ATP2C1: variants seen among roughly 807,000 people sequenced by gnomAD.
ATP2C1 encodes the protein ATPase secretory pathway Ca2+ transporting 1.
Under a neutral mutation model 120.5 loss-of-function variants are expected in ATP2C1, and 31 were observed. That is an observed-to-expected ratio of 0.26 (90% CI 0.19 to 0.35). ATP2C1 has a LOEUF of 0.35. ATP2C1 is among the 10% of genes least tolerant of loss of function. The probability of loss-of-function intolerance (pLI) is 1.00; values close to 1 mark genes in which losing one functional copy is unlikely to be tolerated. For missense variants in ATP2C1, 731 were observed against 1,107.5 expected, an observed-to-expected ratio of 0.66 and a Z score of 4.83; for synonymous variants, 351 against 358.7, an observed-to-expected ratio of 0.98 and a Z score of 0.24.
chr3:130,904,061 C>A (rs1344886348), intron 2 of ATP2C1, among the ~76,000 whole-genome samples: 1 of 151,910 alleles, frequency 6.6e-6, no homozygotes, highest in East Asian at 1.9e-4. Context: ...ATTTACTTTA[C>A]TTTGAGAGGT....
At position 130,960,634 on chromosome 3, in the gene ATP2C1, C is replaced by G. The variant is rs116875676; in HGVS notation, c.899+1293C>G. Among the ~76,000 whole-genome samples, 82 of 152,190 alleles carry G rather than the reference C, an allele frequency of 5.4e-4. 1 individual carries two copies. In the East Asian group the frequency reaches 0.014, roughly 26 times the overall value. On this transcript the variant is annotated intron_variant, in intron 12 of 27. Transcript: ENST00000510168. ...CTAGGTGAACAGAACTAGAGTTAAT[C>G]AAATCCAGAAGGGGAAGATTATTTT... is the stretch of plus-strand genomic sequence containing the variant.
chr3:130,915,339 C>G (rs1204336748), intron 2 of ATP2C1, among the ~76,000 whole-genome samples: 1 of 152,080 alleles, frequency 6.6e-6, no homozygotes, highest in Non-Finnish European at 1.5e-5. Flanking sequence ...AGTGATCCAC[C>G]CGCCTCAGAC....
At chr3:131,005,992 A>G (rs982822483), downstream of ATP2C1, among the ~76,000 whole-genome samples, 1 of 152,178 alleles carries the variant, frequency 6.6e-6, no homozygotes, top group Non-Finnish European at 1.5e-5. Flanking sequence ...GTGGCATACC[A>G]CATAGCTTAA....
At chr3:130,983,860 A>C (rs548823054) in intron 20 of ATP2C1, among the ~76,000 whole-genome samples, 1 of 152,332 alleles carries the variant, frequency 6.6e-6, no homozygotes, top group African/African-American at 2.4e-5. Flanking sequence ...TCTTGTGAGC[A>C]CTAAATAATA....
chr3:130,910,912 T>G (rs2058375418), intron 2 of ATP2C1, among the ~76,000 whole-genome samples: 1 of 89,444 alleles, frequency 1.1e-5, no homozygotes, highest in Non-Finnish European at 2.2e-5. Context: ...AAATTCTCTT[T>G]TTTGGTTGTG....
chr3:130,878,674 A>G (rs1159930248), intron 1 of ATP2C1, among the ~76,000 whole-genome samples: 2 of 152,020 alleles, frequency 1.3e-5, no homozygotes, highest in Non-Finnish European at 1.5e-5. Context: ...TTGCCTGACA[A>G]TTTCTTTCTT....
upstream of ATP2C1, among the ~76,000 whole-genome samples, chr3:130,891,743 T>C (rs2069175532): frequency 1.3e-5 from 2 of 152,206 alleles, no homozygotes; most frequent in Non-Finnish European, 2.9e-5. Flanking sequence ...CAAAAATCTT[T>C]TGAAAGAAGG....
downstream of ATP2C1, among the ~76,000 whole-genome samples, chr3:131,004,539 A>T (rs1397354806): frequency 6.6e-6 from 1 of 152,262 alleles, no homozygotes; most frequent in Non-Finnish European, 1.5e-5. Flanking sequence ...AAGTAGTATC[A>T]TGCCTTCAGG....
intron 2 of ATP2C1, among the ~76,000 whole-genome samples, chr3:130,904,473 G>T (rs1047404952): frequency 2.0e-5 from 3 of 152,018 alleles, no homozygotes; most frequent in Admixed American, 6.6e-5. Context: ...CTTATGATGG[G>T]TGAAGTTAAT....
At chr3:130,984,268 G>GATT (rs532981343) in intron 20 of ATP2C1, among the ~76,000 whole-genome samples, 1 of 151,860 alleles carries the variant, frequency 6.6e-6, no homozygotes, top group African/African-American at 2.4e-5. Flanking sequence ...ACCCAACTCT[G>GATT]ATTATTATTA....
chr3:130,933,307 G>GC (rs1324748539), intron 4 of ATP2C1, among the ~76,000 whole-genome samples: 1 of 152,190 alleles, frequency 6.6e-6, no homozygotes, highest in Admixed American at 6.5e-5. Flanking sequence ...CAAGTGGTGT[G>GC]CTTAGTAATG....
chr3:130,892,316 T>C (rs2069200614), upstream of ATP2C1, among the ~76,000 whole-genome samples: 1 of 152,246 alleles, frequency 6.6e-6, no homozygotes, highest in Admixed American at 6.5e-5. Flanking sequence ...AATATAATGC[T>C]GTTTCAAGGT....
intron 19 of ATP2C1, among the ~76,000 whole-genome samples, chr3:130,980,244 A>T (rs897253437): frequency 5.9e-5 from 9 of 151,694 alleles, no homozygotes; most frequent in African/African-American, 1.9e-4. Flanking sequence ...AAATAGTCAA[A>T]ATTCTTTTTT....
chr3:130,868,379 G>A, intron 1 of ATP2C1: 1 of 138,958 alleles, frequency 7.2e-6, no homozygotes, highest in African/African-American at 2.6e-5. Context: ...GAGGTGGGGG[G>A]GTCAGCCCCC....
At chr3:130,922,108 A>G (rs1198176745) in intron 2 of ATP2C1, among the ~76,000 whole-genome samples, 1 of 151,818 alleles carries the variant, frequency 6.6e-6, no homozygotes, top group Non-Finnish European at 1.5e-5. Flanking sequence ...TTTTGTTGGC[A>G]ATTTTTTCAT....
chr3:130,915,534 C>T (rs2108182184), intron 2 of ATP2C1, among the ~76,000 whole-genome samples: 1 of 152,212 alleles, frequency 6.6e-6, no homozygotes, highest in East Asian at 1.9e-4. Context: ...CAGCTATATG[C>T]CAGGCATAGT....
chr3:130,994,439 T>G (rs767980702), intron 22 of ATP2C1, among the ~76,000 whole-genome samples: 1 of 152,200 alleles, frequency 6.6e-6, no homozygotes, highest in Non-Finnish European at 1.5e-5. Context: ...TTTTTTGGCT[T>G]TATAATAAAT....
intron 17 of ATP2C1, among the ~76,000 whole-genome samples, chr3:130,971,666 G>A (rs2061322905): frequency 1.3e-5 from 2 of 152,112 alleles, no homozygotes; most frequent in Admixed American, 6.5e-5. Flanking sequence ...CAGGGAGTAA[G>A]GCATAAGGCT....
At chr3:130,991,590 T>C (rs1220695569) in intron 20 of ATP2C1, among the ~76,000 whole-genome samples, 2 of 151,994 alleles carry the variant, frequency 1.3e-5, no homozygotes, top group East Asian at 3.9e-4. Flanking sequence ...GCAGCTGAAA[T>C]GGGAAGGGAA....
Sources: allele counts gnomAD v4.1 joint callset (sites outside exome capture counted in the v4.1 genomes callset), GRCh38; gene constraint gnomAD v4.1.1; transcripts MANE v1.5; gene names NCBI Gene and HGNC (gene_info 2026-07-23, HGNC 2026-07-21).